BUD31: variants seen among roughly 807,000 people sequenced by gnomAD.
BUD31 encodes protein BUD31 homolog.
BUD31 carries 9 observed loss-of-function variants against 17.9 expected under a neutral mutation model. The ratio of observed to expected loss-of-function variants is 0.50; its 90% CI spans 0.30 to 0.88. The LOEUF (loss-of-function observed/expected upper bound fraction) is 0.88, where lower values mean the gene tolerates loss of function less well. Among genes scored for constraint, BUD31 ranks in the 40% least tolerant of loss-of-function variants. The pLI is 0.06. For missense variants in BUD31, 148 were observed against 184.5 expected (o/e 0.80, Z 1.15); for synonymous variants, 70 against 64.7 (o/e 1.08, Z -0.39).
At chr7:99,416,544 A>G (rs1453725216) in intron 4 of BUD31, among the ~76,000 whole-genome samples, 3 of 150,848 alleles carry the variant, frequency 2.0e-5, no homozygotes, top group Non-Finnish European at 4.4e-5. Flanking sequence ...CTCAGCTCCC[A>G]AGTAGCTGGG....
intron 3 of BUD31, among the ~76,000 whole-genome samples, chr7:99,415,435 G>A (rs1795373812): frequency 6.6e-6 from 1 of 152,170 alleles, no homozygotes; most frequent in Non-Finnish European, 1.5e-5. Context: ...TGTACAGGAT[G>A]GAACATGAAG....
At chr7:99,411,526 A>C (rs1399116984) in intron 3 of BUD31, among the ~76,000 whole-genome samples, 1 of 152,122 alleles carries the variant, frequency 6.6e-6, no homozygotes, top group East Asian at 1.9e-4. Context: ...TGGAAGTGCT[A>C]TTCCTTTTCA....
At chr7:99,415,587 A>AG (rs1456144700) in intron 3 of BUD31, among the ~76,000 whole-genome samples, 37 of 152,072 alleles carry the variant, frequency 2.4e-4, no homozygotes, top group Admixed American at 2.4e-3. Context: ...CCCCGGGGAA[A>AG]GGGAGATTCC....
At chr7:99,414,605 T>C (rs1195885486) in intron 3 of BUD31, among the ~76,000 whole-genome samples, 1 of 152,072 alleles carries the variant, frequency 6.6e-6, no homozygotes, top group Non-Finnish European at 1.5e-5. Context: ...CCCTTTTTTT[T>C]CTTTTTTTGA....
intron 3 of BUD31, among the ~76,000 whole-genome samples, chr7:99,415,910 CAT>C (rs1229573608): frequency 6.6e-6 from 1 of 152,020 alleles, no homozygotes; most frequent in Non-Finnish European, 1.5e-5. Context: ...CATATATAAT[CAT>C]ATCTAAGATC....
rs986471645 is a variant in BUD31, at chr7:99,409,059, C to G, written c.-352C>G. On this transcript the variant is annotated 5_prime_UTR_variant, in exon 1 of 6. Coordinates refer to ENST00000222969, the MANE Select transcript of BUD31 (RefSeq NM_003910.4). ...CTTGGCAACGGCTGAGGCGGGAGAC[C>G]GGTGGTCTGCACCGTCCTGGAGGGA... The G allele has an allele frequency of 6.6e-6, 1 of 152,340 alleles. No individual in the cohort carries two copies. The highest frequency in any genetic ancestry group is 2.4e-5 in the African/African-American group (1 of 41,444). The allele number at this position is 152,340 out of a possible 1,614,324, so 9.4% of individuals were successfully genotyped here. A position where few individuals can be genotyped will look rare whatever the true frequency, so the allele number is the denominator to read the frequency against.
chr7:99,419,288 A>G, intron 5 of BUD31, 103 bp from the exon 6 acceptor site: 1 of 1,402,856 alleles, frequency 7.1e-7, no homozygotes, highest in Non-Finnish European at 1.0e-6. Context: ...GTGTCCCTAT[A>G]TGGCATGGTG....
chr7:99,409,168 G>A lies in BUD31; in HGVS notation c.-243G>A, dbSNP rs1795062796. Reference sequence around the variant, plus strand: ...AGGCCGGAGAGAGCTCCCGAGAGGAGGCGGCGCCACGTTCGTTCTTCTGAG... The same window carrying A: ...AGGCCGGAGAGAGCTCCCGAGAGGAAGCGGCGCCACGTTCGTTCTTCTGAG... On this transcript the variant is annotated 5_prime_UTR_variant, in exon 1 of 6. Transcript: ENST00000222969. The A allele has an allele frequency of 6.6e-6, 1 of 152,364 alleles. No individual in the cohort carries two copies. Among genetic ancestry groups the A allele is most frequent in the African/African-American group, 2.4e-5 (1 of 41,466 alleles). 9.4% of individuals were successfully genotyped at this position (152,364 alleles called of 1,614,324 possible). A position where few individuals can be genotyped will look rare whatever the true frequency, so the allele number is the denominator to read the frequency against.
intron 3 of BUD31, chr7:99,411,933 T>G (rs1795205873): frequency 6.3e-6 from 2 of 316,294 alleles, no homozygotes; most frequent in South Asian, 2.4e-5. Context: ...CTCGAACTCC[T>G]GGCCTCAAGT....
Position 99,411,184 on chromosome 7 carries a change from A to G in BUD31, c.92A>G (p.Glu31Gly). The G allele has an allele frequency of 1.2e-6, 2 of 1,613,534 alleles. No homozygotes were observed. Among genetic ancestry groups the G allele is most frequent in the African/African-American group, 1.3e-5 (1 of 75,020 alleles). Residue 31 changes from glutamate (E) to glycine (G), a missense_variant and splice_region_variant, in exon 3 of 6, where the codon GAA becomes GGA. Transcript: ENST00000222969. ...GATGAATTAGATCAAAAGATGAGAG[A>G]AGGTGAGTAGGGGAGTTCCTGTCTG... is the stretch of plus-strand genomic sequence containing the variant. ...TLDELDQKMR[E>G]AETEPHEGKR... is the part of the protein sequence containing the mutation.
intron 3 of BUD31, 109 bp from the exon 4 acceptor site, chr7:99,416,029 C>T (rs1320718653): frequency 1.4e-6 from 2 of 1,480,936 alleles, no homozygotes; most frequent in Non-Finnish European, 1.8e-6. Context: ...CCACAGCCAT[C>T]CTAGTGGGTA....
chr7:99,411,750 G>A (rs1417610629), intron 3 of BUD31: 3 of 454,742 alleles, frequency 6.6e-6, no homozygotes, highest in African/African-American at 6.0e-5. Flanking sequence ...TGTCTTCCAG[G>A]CTGCAGTGCA....
rs558684129 is a variant in BUD31 at position 99,417,671 on chromosome 7, T to C, written c.384+76T>C. ...TTAGTCGACTGCAAGGGATCTTATG[T>C]TATTTGGTTGGGCTGGAATGTCGTT... On this transcript the variant is annotated intron_variant, in intron 5 of 5. Transcript: ENST00000222969. 88 of 1,583,746 alleles carry C rather than the reference T, an allele frequency of 5.6e-5. No individual in the cohort carries two copies. The African/African-American group carries it at 1.1e-3, about 20-fold the overall frequency.
Position 99,410,360 on chromosome 7 carries a change from A to T in BUD31, c.-30+191A>T, listed in dbSNP as rs1349379450. 1.5e-4 allele frequency among the ~76,000 whole-genome samples: 21 copies of T among 138,380 alleles called. No individual in the cohort carries two copies. In the Admixed American group the frequency reaches 1.6e-3, roughly 10 times the overall value. 90.8% of individuals were successfully genotyped at this position (138,380 alleles called of 152,430 possible). On this transcript the variant is annotated intron_variant, in intron 2 of 5. Transcript: ENST00000222969. ...CAGCCTTCCGTGTAGCTCAGACCACAGGCACCCACCACCATGCTCAGTTAA... is the reference window on the plus strand; with the variant it reads ...CAGCCTTCCGTGTAGCTCAGACCACTGGCACCCACCACCATGCTCAGTTAA...
At chr7:99,410,808 A>T (rs1795152299) in intron 2 of BUD31, among the ~76,000 whole-genome samples, 1 of 152,254 alleles carries the variant, frequency 6.6e-6, no homozygotes, top group Admixed American at 6.5e-5. Flanking sequence ...AAGTCTTTGC[A>T]ATGACCACAT....
chr7:99,415,405 A>C (rs1007857763), intron 3 of BUD31: 9 of 400,366 alleles, frequency 2.2e-5, no homozygotes, highest in South Asian at 1.3e-4. Context: ...TGCTATTGTT[A>C]TCTAAAAGGC....
rs189040754 is a variant in BUD31, at chr7:99,419,183, C to G, written c.385-208C>G. 2.9e-3 allele frequency: 1,717 copies of G among 589,768 alleles called. 12 individuals are homozygous for G. The highest frequency in any genetic ancestry group is 2.9e-3 in the Non-Finnish European group (971 of 329,524). The allele number at this position is 589,768 out of a possible 1,614,324, so 36.5% of individuals were successfully genotyped here. On this transcript the variant is annotated intron_variant, in intron 5 of 5. Coordinates refer to ENST00000222969, the MANE Select transcript of BUD31 (RefSeq NM_003910.4). ...GCAGAACATATTATAAATAGACATA[C>G]AGATGTAACCTCGGTGTCAACAGCA... is the stretch of plus-strand genomic sequence containing the variant.
chr7:99,416,154 T>C lies in BUD31; in HGVS notation c.111T>C (p.His37=). ...TCTCCCCAGCTGAAACAGAACCGCA[T>C]GAGGGAAAGAGGAAAGTGGAATCTC... ...QKMREAETEP[H]EGKRKVESLW... The change falls in exon 4 of 6, where the codon CAT becomes CAC. Residue 37 remains histidine (H), a synonymous_variant. Transcript: ENST00000222969. 2.5e-6 allele frequency: 4 copies of C among 1,613,830 alleles called. No homozygotes were observed. In the South Asian group the frequency reaches 4.4e-5, roughly 18 times the overall value.
At chr7:99,415,824 G>C (rs1253342937) in intron 3 of BUD31, among the ~76,000 whole-genome samples, 6 of 152,028 alleles carry the variant, frequency 3.9e-5, no homozygotes, top group African/African-American at 1.5e-4. Flanking sequence ...TGTTTCCTAG[G>C]TTATGATTGT....
Sources: gnomAD v4.1 joint callset for allele counts (sites outside exome capture counted in the v4.1 genomes callset) on GRCh38, gnomAD v4.1.1 for gene constraint, MANE v1.5 for transcripts, NCBI Gene and HGNC (gene_info 2026-07-23, HGNC 2026-07-21) for gene names.